The following EPB41L2 variants were observed in gnomAD, a reference collection of about 807,000 sequenced individuals.
The protein encoded by EPB41L2 is erythrocyte membrane protein band 4.1 like 2.
EPB41L2 carries 43 observed loss-of-function variants against 113.0 expected under a neutral mutation model. That is an observed-to-expected ratio of 0.38 (90% CI 0.30 to 0.49). EPB41L2 has a LOEUF of 0.49. Ranked by LOEUF, EPB41L2 falls within the 20% of genes least tolerant of loss-of-function variation. The pLI is 0.95. For synonymous variants in EPB41L2, 442 were observed against 436.7 expected (o/e 1.01, Z -0.15); for missense variants, 1,147 against 1,223.4 (o/e 0.94, Z 0.93).
chr6:130,913,946 A>T (rs942870373), intron 4 of EPB41L2, among the ~76,000 whole-genome samples: 1 of 152,208 alleles, frequency 6.6e-6, no homozygotes, highest in Non-Finnish European at 1.5e-5. Flanking sequence ...CACAACATAC[A>T]ACAACCGCCC....
chr6:131,005,982 C>T (rs960720809), intron 1 of EPB41L2, among the ~76,000 whole-genome samples: 2 of 152,072 alleles, frequency 1.3e-5, no homozygotes, highest in Non-Finnish European at 2.9e-5. Flanking sequence ...AAAAAAGGTG[C>T]ATCTCTTTCC....
intron 1 of EPB41L2, among the ~76,000 whole-genome samples, chr6:131,047,812 G>C (rs1368502439): frequency 1.3e-5 from 2 of 151,956 alleles, no homozygotes; most frequent in East Asian, 3.9e-4. Context: ...GGCAAAAGAA[G>C]GGAAGAAAGA....
chr6:130,925,271 C>T (rs929065024), intron 4 of EPB41L2, among the ~76,000 whole-genome samples: 1 of 148,992 alleles, frequency 6.7e-6, no homozygotes, highest in Admixed American at 6.7e-5. Flanking sequence ...TCACTGCAAC[C>T]TTTGCCTCCT....
Position 130,849,683 on chromosome 6 carries a change from T to C in EPB41L2, c.*5+8448A>G, listed in dbSNP as rs147168010. ...AAGAAATGCAAATTATATGTGTGTG[T>C]CTGTCCCTGTGTGTAGCATATGTAT... On this transcript the variant is annotated intron_variant, in intron 19 of 19. Coordinates refer to ENST00000337057, the MANE Select transcript of EPB41L2 (RefSeq NM_001431.4). Among the ~76,000 whole-genome samples the C allele has an allele frequency of 6.0e-4, 92 of 152,324 alleles. 1 individual carries two copies. The highest frequency in any genetic ancestry group is 1.2e-3 in the Non-Finnish European group (79 of 68,038).
chr6:131,025,418 G>A (rs1790628238), intron 1 of EPB41L2, among the ~76,000 whole-genome samples: 1 of 152,014 alleles, frequency 6.6e-6, no homozygotes. Flanking sequence ...TAACAGATTT[G>A]ATCGAGATCA....
At chr6:131,029,505 A>C (rs964695529) in intron 1 of EPB41L2, among the ~76,000 whole-genome samples, 2 of 152,114 alleles carry the variant, frequency 1.3e-5, no homozygotes, top group African/African-American at 4.8e-5. Flanking sequence ...CTTACATTCT[A>C]CAATTTCATT....
intron 1 of EPB41L2, among the ~76,000 whole-genome samples, chr6:131,059,791 G>C (rs1015211187): frequency 1.3e-5 from 2 of 152,114 alleles, no homozygotes; most frequent in African/African-American, 4.8e-5. Context: ...TGCTGACTAC[G>C]AAAGCCAGCA....
chr6:130,970,576 G>A (rs1219138692), intron 1 of EPB41L2: 1 of 152,140 alleles, frequency 6.6e-6, no homozygotes, highest in Non-Finnish European at 1.5e-5. Context: ...TGACACAACT[G>A]TAATTCTATA....
rs948216730 is a variant in EPB41L2 at position 130,848,190 on chromosome 6, C to G, written c.*6-7592G>C. 2.1e-3 allele frequency among the ~76,000 whole-genome samples: 248 copies of G among 115,592 alleles called. 1 individual carries two copies. The highest frequency in any genetic ancestry group is 9.7e-3 in the African/African-American group (239 of 24,560). The allele number at this position is 115,592 out of a possible 152,430, so 75.8% of individuals were successfully genotyped here. A position where few individuals can be genotyped will look rare whatever the true frequency, so the allele number is the denominator to read the frequency against. On this transcript the variant is annotated intron_variant, in intron 19 of 19. Coordinates refer to ENST00000337057, the MANE Select transcript of EPB41L2 (RefSeq NM_001431.4). Reference sequence around the variant, plus strand: ...AGTCTCTGTCTCTCTCTGTCTCTCTCTCTCTCTCTCACACACACACACACA... The same window carrying G: ...AGTCTCTGTCTCTCTCTGTCTCTCTGTCTCTCTCTCACACACACACACACA...
At chr6:131,028,314 A>C (rs1400590258) in intron 1 of EPB41L2, among the ~76,000 whole-genome samples, 1 of 152,152 alleles carries the variant, frequency 6.6e-6, no homozygotes, top group African/African-American at 2.4e-5. Flanking sequence ...TCCCCTTCTG[A>C]GCCTACCTGG....
chr6:131,007,824 C>T (rs1419347571), intron 1 of EPB41L2, among the ~76,000 whole-genome samples: 2 of 152,156 alleles, frequency 1.3e-5, no homozygotes, highest in East Asian at 3.9e-4. Flanking sequence ...GAAGAAATTT[C>T]CAGGCAGCAA....
chr6:131,058,410 C>A (rs937691960), intron 1 of EPB41L2, among the ~76,000 whole-genome samples: 1 of 152,126 alleles, frequency 6.6e-6, no homozygotes, highest in Non-Finnish European at 1.5e-5. Flanking sequence ...AAGAAACTTA[C>A]AACACAGATC....
chr6:131,036,042 T>C (rs1227098832), intron 1 of EPB41L2, among the ~76,000 whole-genome samples: 1 of 152,194 alleles, frequency 6.6e-6, no homozygotes, highest in Non-Finnish European at 1.5e-5. Flanking sequence ...CTAATTTGCT[T>C]TGTGACCTGG....
intron 1 of EPB41L2, among the ~76,000 whole-genome samples, chr6:131,048,154 A>G (rs1405398760): frequency 7.2e-5 from 6 of 83,680 alleles, no homozygotes; most frequent in Non-Finnish European, 1.4e-4. Context: ...AAAAAAAAAA[A>G]AAAGAAAAAA....
Position 130,858,198 on chromosome 6 carries a change from T to G in EPB41L2, c.2956A>C (p.Met986Leu), listed in dbSNP as rs758685159. 5.0e-6 allele frequency: 8 copies of G among 1,613,902 alleles called. No individual in the cohort carries two copies. In the South Asian group the frequency reaches 8.8e-5, roughly 18 times the overall value. The change falls in exon 19 of 20, where the codon ATG becomes CTG. Residue 986 changes from methionine (M) to leucine (L), a missense_variant. Transcript: ENST00000337057. Reference protein sequence around the residue: ...IREAREQHPDMSVTRVVVHKE... With the variant: ...IREAREQHPDLSVTRVVVHKE... ...TGTACCACCACTCTTGTGACCGACATGTCAGGGTGCTGCTCTCTGGCTTCC... is the reference window on the plus strand; with the variant it reads ...TGTACCACCACTCTTGTGACCGACAGGTCAGGGTGCTGCTCTCTGGCTTCC...
intron 13 of EPB41L2, 84 bp downstream of exon 13, chr6:130,880,060 T>TTGCC: frequency 9.9e-7 from 1 of 1,005,374 alleles, no homozygotes; most frequent in East Asian, 2.4e-5. Context: ...TTGAAGAACA[T>TTGCC]TGCCAGCCAG....
intron 8 of EPB41L2, among the ~76,000 whole-genome samples, chr6:130,898,990 G>C (rs979242670): frequency 1.3e-5 from 2 of 151,982 alleles, no homozygotes; most frequent in African/African-American, 4.8e-5. Flanking sequence ...GCCCACCTAC[G>C]TTATCTTTCA....
chr6:131,023,961 C>T (rs139671950), intron 1 of EPB41L2, among the ~76,000 whole-genome samples: 2,545 of 152,056 alleles, frequency 0.017, 23 homozygotes, highest in Middle Eastern at 0.044. Context: ...TGGATACTCC[C>T]CCTATGACTC....
chr6:130,904,083 C>A (rs1008917882), intron 6 of EPB41L2, among the ~76,000 whole-genome samples: 1 of 152,128 alleles, frequency 6.6e-6, no homozygotes, highest in South Asian at 2.1e-4. Flanking sequence ...ATTTTGCTAA[C>A]CTCATATCAT....
Sources: allele counts gnomAD v4.1 joint callset (sites outside exome capture counted in the v4.1 genomes callset), GRCh38; gene constraint gnomAD v4.1.1; transcripts MANE v1.5; gene names NCBI Gene and HGNC (gene_info 2026-07-23, HGNC 2026-07-21).